KLHL5: variants seen among roughly 807,000 people sequenced by gnomAD.
KLHL5 encodes the protein kelch like family member 5.
KLHL5 carries 48 observed loss-of-function variants against 77.7 expected under a neutral mutation model. The ratio of observed to expected loss-of-function variants is 0.62; its 90% CI spans 0.49 to 0.79. The LOEUF (loss-of-function observed/expected upper bound fraction) is 0.79, where lower values mean the gene tolerates loss of function less well. Ranked by LOEUF, KLHL5 falls within the 30% of genes least tolerant of loss-of-function variation. The probability of loss-of-function intolerance (pLI) is 0.00; values close to 1 mark genes in which losing one functional copy is unlikely to be tolerated. For missense variants in KLHL5, 723 were observed against 859.7 expected (o/e 0.84, Z 1.99); for synonymous variants, 260 against 297.0 (o/e 0.88, Z 1.28).
the KLHL5 span, among the ~76,000 whole-genome samples, chr4:39,132,672 A>G: frequency 1.3e-5 from 2 of 152,228 alleles, no homozygotes; most frequent in Non-Finnish European, 2.9e-5. Context: ...GTCATTTTCT[A>G]CCAGTCAAGG....
chr4:39,116,899 C>T (rs1722878460), intron 10 of KLHL5, among the ~76,000 whole-genome samples: 1 of 152,070 alleles, frequency 6.6e-6, no homozygotes, highest in South Asian at 2.1e-4. Context: ...TGCAATGGCA[C>T]GATCTCAGCT....
chr4:39,121,023 G>A lies in KLHL5; in HGVS notation c.2087G>A (p.Cys696Tyr), dbSNP rs1336080053. ...TNEWTQVAPL[C>Y]LGRAGACVVT... ...TTTCCTTTTTAGGTTGCTCCACTGT[G>A]CCTAGGAAGAGCTGGAGCTTGTGTT... Residue 696 changes from cysteine to tyrosine, a missense_variant, in exon 11 of 11, where the codon TGC becomes TAC. Coordinates refer to ENST00000504108, the MANE Select transcript of KLHL5 (RefSeq NM_015990.5). 2.5e-6 allele frequency: 4 copies of A among 1,613,430 alleles called. No individual in the cohort carries two copies. The highest frequency in any genetic ancestry group is 3.4e-6 in the Non-Finnish European group (4 of 1,179,450).
chr4:39,115,104 T>C, intron 9 of KLHL5, 55 bp from the exon 10 acceptor site: 3 of 1,520,546 alleles, frequency 2.0e-6, no homozygotes, highest in Admixed American at 4.2e-5. Flanking sequence ...CAAAACTGTT[T>C]TTACATAAAT....
Position 39,069,535 on chromosome 4 carries a change from CATATATATATATATAT to C in KLHL5, c.384-6412_384-6397del, listed in dbSNP as rs60163692. Reference sequence around the variant, plus strand: ...TTATACTATTTTTATACTTTTTTACCATATATATATATATATATATATATATATATATAAACCATAG... The same window carrying C: ...TTATACTATTTTTATACTTTTTTACCATATATATATATATATAAACCATAG... On this transcript the variant is annotated intron_variant, in intron 1 of 10. Transcript: ENST00000504108. Among the ~76,000 whole-genome samples the C allele has an allele frequency of 2.2e-3, 302 of 136,368 alleles. 12 individuals carry two copies. In the East Asian group the frequency reaches 0.053, roughly 24 times the overall value. The allele number at this position is 136,368 out of a possible 152,430, so 89.5% of individuals were successfully genotyped here.
At chr4:39,070,258 C>T (rs776488251) in intron 1 of KLHL5, among the ~76,000 whole-genome samples, 2 of 152,008 alleles carry the variant, frequency 1.3e-5, no homozygotes, top group Non-Finnish European at 2.9e-5. Flanking sequence ...GTGTGGTTTC[C>T]CAAAAAGTAG....
At chr4:39,102,450 C>T (rs1012321323) in intron 6 of KLHL5, among the ~76,000 whole-genome samples, 7 of 151,456 alleles carry the variant, frequency 4.6e-5, no homozygotes, top group African/African-American at 1.5e-4. Flanking sequence ...AACTCCCTAC[C>T]GTCATAGTTC....
intron 1 of KLHL5, among the ~76,000 whole-genome samples, chr4:39,069,127 A>G (rs544857129): frequency 1.5e-4 from 23 of 152,158 alleles, no homozygotes; most frequent in Non-Finnish European, 3.1e-4. Flanking sequence ...GTCCCTCAGC[A>G]TGCCAACCTG....
upstream of KLHL5, among the ~76,000 whole-genome samples, chr4:39,061,711 C>T (rs969428240): frequency 5.3e-5 from 8 of 152,144 alleles, no homozygotes; most frequent in Non-Finnish European, 5.9e-5. Context: ...TTTTTTGAGC[C>T]GCACTTTTCC....
chr4:39,081,865 T>A lies in KLHL5; in HGVS notation c.704-98T>A. ...CCATGTAGGTCTGTAATGCATGTAA[T>A]GAGCTCTTATATGGAACCACTACTG... On this transcript the variant is annotated intron_variant, in intron 3 of 10. Coordinates refer to ENST00000504108, the MANE Select transcript of KLHL5 (RefSeq NM_015990.5). This position sits in a 1 kb window ranked among gnomAD's most constrained non-coding sequence, Gnocchi z 4.3. 2.4e-6 allele frequency: 2 copies of A among 834,830 alleles called. No individual in the cohort carries two copies. Among genetic ancestry groups the A allele is most frequent in the Non-Finnish European group, 3.5e-6 (2 of 565,996 alleles). The allele number at this position is 834,830 out of a possible 1,614,324, so 51.7% of individuals were successfully genotyped here.
downstream of KLHL5, among the ~76,000 whole-genome samples, chr4:39,129,589 C>T (rs1006302814): frequency 3.9e-5 from 6 of 152,092 alleles, no homozygotes; most frequent in East Asian, 1.9e-4. This position sits in a 1 kb window ranked among gnomAD's most constrained non-coding sequence, Gnocchi z 4.2. Flanking sequence ...GTTTGGGGTA[C>T]GGATGATCCT....
In KLHL5 at chr4:39,121,137, G is replaced by T; in HGVS notation, c.*71G>T. 8.5e-7 allele frequency: 1 copy of T among 1,169,716 alleles called. No homozygotes were observed. Among genetic ancestry groups the T allele is most frequent in the Non-Finnish European group, 1.3e-6 (1 of 783,494 alleles). The allele number at this position is 1,169,716 out of a possible 1,614,324, so 72.5% of individuals were successfully genotyped here. On this transcript the variant is annotated 3_prime_UTR_variant, in exon 11 of 11. Transcript: ENST00000504108. Reference sequence around the variant, plus strand: ...ATTTAGTATAATTATTCTATCAATGGATACATTTTTAGTAAATGTGCATTG... The same window carrying T: ...ATTTAGTATAATTATTCTATCAATGTATACATTTTTAGTAAATGTGCATTG...
At chr4:39,075,054 G>A (rs991241676) in intron 1 of KLHL5, among the ~76,000 whole-genome samples, 1 of 152,082 alleles carries the variant, frequency 6.6e-6, no homozygotes, top group South Asian at 2.1e-4. Context: ...ACATACAGGT[G>A]GGTGCGGTGG....
chr4:39,063,411 CATTTT>C (rs1404565339), intron 1 of KLHL5, among the ~76,000 whole-genome samples: 1 of 151,948 alleles, frequency 6.6e-6, no homozygotes, highest in Non-Finnish European at 1.5e-5. Context: ...TTTTATGTGA[CATTTT>C]AGTTTATAAC....
chr4:39,055,506 C>A lies in KLHL5; in HGVS notation c.-94-7053C>A, dbSNP rs559022130. On this transcript the variant is annotated intron_variant, in intron 1 of 11. Transcript: ENST00000261425. Reference sequence around the variant, plus strand: ...CAAAGGACCCAAACTCAGTAGGAGACCCCTATCAAATATATGGCATTAACC... The same window carrying A: ...CAAAGGACCCAAACTCAGTAGGAGAACCCTATCAAATATATGGCATTAACC... 1.5e-4 allele frequency among the ~76,000 whole-genome samples: 23 copies of A among 152,244 alleles called. No individual in the cohort carries two copies. The South Asian group carries it at 4.8e-3, about 32-fold the overall frequency.
the KLHL5 span, among the ~76,000 whole-genome samples, chr4:39,139,793 T>A: frequency 9.2e-5 from 14 of 152,212 alleles, no homozygotes; most frequent in African/African-American, 3.4e-4. Context: ...CAAAGATGCA[T>A]AATCTGGATC....
At chr4:39,065,291 A>T (rs1423833566) in intron 1 of KLHL5, among the ~76,000 whole-genome samples, 1 of 151,942 alleles carries the variant, frequency 6.6e-6, no homozygotes, top group Non-Finnish European at 1.5e-5. Flanking sequence ...TTCTCTAAGT[A>T]GTTGTTCACC....
Position 39,062,839 on chromosome 4 carries a change from T to A in KLHL5, c.187T>A (p.Leu63Met). 1 of 1,614,166 alleles carries A rather than the reference T, an allele frequency of 6.2e-7. No individual in the cohort carries two copies. Among genetic ancestry groups the A allele is most frequent in the East Asian group, 2.2e-5 (1 of 44,876 alleles). ...FLDPCSLQLP[L>M]ASIGYRRSSQ... ...AGATCCATGTAGCCTACAATTGCCT[T>A]TGGCTTCAATTGGTTACCGAAGGTC... is the stretch of plus-strand genomic sequence containing the variant. Residue 63 changes from leucine to methionine, a missense_variant, in exon 1 of 11, where the codon TTG becomes ATG. Leu to Met is a conservative substitution (Grantham distance 15). Coordinates refer to ENST00000504108, the MANE Select transcript of KLHL5 (RefSeq NM_015990.5).
chr4:39,127,557 C>CTCAGCA (rs1452834092), downstream of KLHL5, among the ~76,000 whole-genome samples: 1 of 152,074 alleles, frequency 6.6e-6, no homozygotes, highest in African/African-American at 2.4e-5. Flanking sequence ...AAGCAGCCAC[C>CTCAGCA]TCAGCCTCAG....
intron 1 of KLHL5, among the ~76,000 whole-genome samples, chr4:39,054,243 A>G (rs1159847800): frequency 6.6e-6 from 1 of 152,196 alleles, no homozygotes; most frequent in African/African-American, 2.4e-5. Flanking sequence ...GTGAATGAGA[A>G]TACTTCTTGC....
Sources: allele counts gnomAD v4.1 joint callset (sites outside exome capture counted in the v4.1 genomes callset), GRCh38; gene constraint gnomAD v4.1.1; non-coding constraint Gnocchi (gnomAD v3.1); transcripts MANE v1.5; gene names NCBI Gene and HGNC (gene_info 2026-07-23, HGNC 2026-07-21).